The following CD44 variants were observed in gnomAD, a reference collection of about 807,000 sequenced individuals.
CD44 encodes CD44 antigen.
Under a neutral mutation model 88.8 loss-of-function variants are expected in CD44, and 49 were observed. The observed-to-expected ratio is 0.55, with a 90% CI of 0.44 to 0.70. CD44 has a LOEUF of 0.70. CD44 is among the 30% of genes least tolerant of loss of function. The pLI is 0.00. For synonymous variants in CD44, 325 were observed against 312.3 expected (o/e 1.04, Z -0.43); for missense variants, 883 against 913.8 (o/e 0.97, Z 0.43).
chr11:35,196,375 C>A (rs1431536608), intron 5 of CD44, among the ~76,000 whole-genome samples: 1 of 152,072 alleles, frequency 6.6e-6, no homozygotes, highest in Non-Finnish European at 1.5e-5. Flanking sequence ...AAGTTTAATC[C>A]CTCTTTTACA....
chr11:35,191,526 G>A (rs1210141678), intron 5 of CD44, among the ~76,000 whole-genome samples: 1 of 152,118 alleles, frequency 6.6e-6, no homozygotes, highest in Non-Finnish European at 1.5e-5. Flanking sequence ...ACTGCTTCTT[G>A]GGTTCCCTGT....
At chr11:35,198,967 C>CAAAA (rs11340143) in intron 7 of CD44, among the ~76,000 whole-genome samples, 1 of 128,018 alleles carries the variant, frequency 7.8e-6, no homozygotes. Context: ...GACTCCATCT[C>CAAAA]AAAAAAAAAA....
intron 17 of CD44, among the ~76,000 whole-genome samples, chr11:35,223,767 C>T (rs1056993928): frequency 6.6e-6 from 1 of 152,218 alleles, no homozygotes; most frequent in African/African-American, 2.4e-5. Flanking sequence ...CCTTAATGGG[C>T]TCTGTGATTC....
At chr11:35,196,904 T>C (rs1241482970) in intron 6 of CD44, 30 bp downstream of exon 6, 1 of 1,605,848 alleles carries the variant, frequency 6.2e-7, no homozygotes, top group Non-Finnish European at 8.5e-7. Flanking sequence ...TCATAGCGTA[T>C]GTTTTCTTGA....
At chr11:35,210,247 T>G (rs1194741008) in intron 13 of CD44, 193 bp downstream of exon 13, 1 of 395,246 alleles carries the variant, frequency 2.5e-6, no homozygotes, top group Non-Finnish European at 4.5e-6. Flanking sequence ...AAGTGCAAAC[T>G]ACATTTCTTC....
rs763229791 is a variant in CD44 at position 35,211,465 on chromosome 11, T to C, written c.1810+16T>C. 1.1e-5 allele frequency: 17 copies of C among 1,591,316 alleles called. No homozygotes were observed. The Admixed American group carries it at 2.8e-4, about 27-fold the overall frequency. ...TCCTTATCAGGTAATTTGGCATTTATTATCTAGTTTGCTTTCTCTATATAG... is the reference window on the plus strand; with the variant it reads ...TCCTTATCAGGTAATTTGGCATTTACTATCTAGTTTGCTTTCTCTATATAG... On this transcript the variant is annotated intron_variant, in intron 14 of 17. Transcript: ENST00000428726.
chr11:35,149,705 GCTTA>G (rs1310468048), intron 1 of CD44, among the ~76,000 whole-genome samples: 1 of 152,080 alleles, frequency 6.6e-6, no homozygotes, highest in Non-Finnish European at 1.5e-5. Flanking sequence ...CACTCTGTGG[GCTTA>G]CTAACACCTG....
chr11:35,217,784 G>C (rs1455338449), intron 15 of CD44, among the ~76,000 whole-genome samples: 3 of 152,000 alleles, frequency 2.0e-5, no homozygotes, highest in Non-Finnish European at 4.4e-5. Flanking sequence ...TTCTACAGTG[G>C]GCTTCCATTT....
At chr11:35,209,845 T>C in intron 12 of CD44, 120 bp from the exon 13 acceptor site, 1 of 642,824 alleles carries the variant, frequency 1.6e-6, no homozygotes, top group Admixed American at 3.1e-5. Context: ...TGCACAAACC[T>C]TGGTCTTCCT....
intron 3 of CD44, among the ~76,000 whole-genome samples, chr11:35,181,926 TTATATATAA>T (rs1945132364): frequency 1.0e-3 from 46 of 44,418 alleles, no homozygotes; most frequent in South Asian, 2.0e-3. Flanking sequence ...ATATATTATA[TTATATATAA>T]ATTATATATA....
Position 35,157,321 on chromosome 11 carries a change from G to GCCTA in CD44, c.67+17951_67+17952insCCTA, listed in dbSNP as rs1554950204. Among the ~76,000 whole-genome samples, 6 of 147,178 alleles carry GCCTA rather than the reference G, an allele frequency of 4.1e-5. No homozygotes were observed. In the East Asian group the frequency reaches 8.0e-4, roughly 20 times the overall value. Reference sequence around the variant, plus strand: ...CATCTATCCATCTATCTGTCTGTCTGTCTATCTATCTATCTATCTATCTAT... The same window carrying GCCTA: ...CATCTATCCATCTATCTGTCTGTCTGCCTATCTATCTATCTATCTATCTATCTAT... On this transcript the variant is annotated intron_variant, in intron 1 of 17. Coordinates refer to ENST00000428726, the MANE Select transcript of CD44 (RefSeq NM_000610.4).
chr11:35,203,143 C>T (rs1202003634), intron 9 of CD44, among the ~76,000 whole-genome samples: 2 of 152,102 alleles, frequency 1.3e-5, no homozygotes, highest in Non-Finnish European at 2.9e-5. Flanking sequence ...GACCTCTGGG[C>T]TTTATCAAAT....
intron 1 of CD44, among the ~76,000 whole-genome samples, chr11:35,141,158 C>T (rs964217929): frequency 2.6e-5 from 4 of 152,190 alleles, no homozygotes; most frequent in African/African-American, 9.7e-5. Flanking sequence ...GTTATCAGGC[C>T]TGTTTGACAG....
At chr11:35,155,089 G>A (rs1449418154) in intron 1 of CD44, among the ~76,000 whole-genome samples, 1 of 152,122 alleles carries the variant, frequency 6.6e-6, no homozygotes, top group Non-Finnish European at 1.5e-5. Flanking sequence ...AATTGGAGGA[G>A]CGGCTTTTTG....
At chr11:35,226,138 CAGAT>C (rs1485472161) in intron 17 of CD44, among the ~76,000 whole-genome samples, 1 of 152,178 alleles carries the variant, frequency 6.6e-6, no homozygotes, top group Non-Finnish European at 1.5e-5. Flanking sequence ...ACTACTCAGA[CAGAT>C]AGAAACACAT....
At chr11:35,199,934 G>GTTTT (rs60509735) in intron 7 of CD44, among the ~76,000 whole-genome samples, 36 of 90,842 alleles carry the variant, frequency 4.0e-4, no homozygotes, top group South Asian at 1.2e-3. Context: ...CCATGGTGTT[G>GTTTT]TTTTTTTTTT....
chr11:35,141,828 A>T (rs1858023132), intron 1 of CD44, among the ~76,000 whole-genome samples: 1 of 152,192 alleles, frequency 6.6e-6, no homozygotes, highest in Non-Finnish European at 1.5e-5. Context: ...TGACTTTGTC[A>T]GAGGGCTTGG....
intron 17 of CD44, chr11:35,223,307 A>T: frequency 3.0e-6 from 3 of 984,840 alleles, no homozygotes; most frequent in Non-Finnish European, 3.6e-6. Context: ...TGCTCAATTA[A>T]ATATGAATTT....
At chr11:35,205,160 A>G (rs1304317088) in intron 10 of CD44, among the ~76,000 whole-genome samples, 4 of 152,224 alleles carry the variant, frequency 2.6e-5, no homozygotes, top group Non-Finnish European at 4.4e-5. Context: ...AGTATAAAAA[A>G]GGTATCTTCT....
Sources: allele counts gnomAD v4.1 joint callset (sites outside exome capture counted in the v4.1 genomes callset), GRCh38; gene constraint gnomAD v4.1.1; transcripts MANE v1.5; gene names NCBI Gene and HGNC (gene_info 2026-07-23, HGNC 2026-07-21).